MAD1L1: variants seen among roughly 807,000 people sequenced by gnomAD.
MAD1L1 encodes the protein mitotic spindle assembly checkpoint protein MAD1.
MAD1L1 carries 95 observed loss-of-function variants against 96.9 expected under a neutral mutation model. That is an observed-to-expected ratio of 0.98 (90% CI 0.83 to 1.16). The LOEUF is 1.16. MAD1L1 is among the 50% of genes most tolerant of loss of function. The pLI, the probability that MAD1L1 is intolerant of heterozygous loss-of-function variation, is 0.00. For synonymous variants in MAD1L1, 473 were observed against 396.6 expected (o/e 1.19, Z -2.29); for missense variants, 1,007 against 954.4 (o/e 1.06, Z -0.73).
chr7:1,888,039 ATG>A (rs1301661492), intron 18 of MAD1L1, among the ~76,000 whole-genome samples: 5 of 127,014 alleles, frequency 3.9e-5, no homozygotes, highest in African/African-American at 9.1e-5. Flanking sequence ...GAGACTGAGC[ATG>A]TGTGTGTGAG....
chr7:1,914,706 C>G (rs34042877), intron 17 of MAD1L1, among the ~76,000 whole-genome samples: 1 of 152,234 alleles, frequency 6.6e-6, no homozygotes, highest in South Asian at 2.1e-4. Context: ...CTTGACCTCC[C>G]AGGCCCAAGC....
chr7:1,865,774 G>A (rs1583593899), intron 18 of MAD1L1, among the ~76,000 whole-genome samples: 2 of 152,252 alleles, frequency 1.3e-5, no homozygotes, highest in Non-Finnish European at 2.9e-5. Context: ...CCCAGAGAGC[G>A]GCTGCTACGG....
intron 14 of MAD1L1, among the ~76,000 whole-genome samples, chr7:1,999,577 G>A (rs1033163263): frequency 3.3e-5 from 5 of 152,138 alleles, no homozygotes; most frequent in East Asian, 1.9e-4. Context: ...AGGCCAGTGC[G>A]CCTCATGCCC....
intron 10 of MAD1L1, among the ~76,000 whole-genome samples, chr7:2,150,506 G>A (rs1224184757): frequency 6.6e-6 from 1 of 152,018 alleles, no homozygotes; most frequent in Non-Finnish European, 1.5e-5. Flanking sequence ...CGGTCTTCCA[G>A]CACCCAGCTC....
intron 14 of MAD1L1, among the ~76,000 whole-genome samples, chr7:1,985,426 C>T (rs1781094887): frequency 6.6e-6 from 1 of 151,644 alleles, no homozygotes. Context: ...CCACGGGATC[C>T]TGGCTCCATG....
At chr7:1,985,199 G>A (rs187650914) in intron 14 of MAD1L1, among the ~76,000 whole-genome samples, 1 of 152,238 alleles carries the variant, frequency 6.6e-6, no homozygotes, top group African/African-American at 2.4e-5. Context: ...GCCCCGGGCA[G>A]CATGGGTAGG....
intron 11 of MAD1L1, among the ~76,000 whole-genome samples, chr7:2,082,445 C>T (rs1785702038): frequency 6.6e-6 from 1 of 152,178 alleles, no homozygotes; most frequent in Non-Finnish European, 1.5e-5. Flanking sequence ...GGCCTGGGAG[C>T]TCAGCGGAGC....
intron 11 of MAD1L1, among the ~76,000 whole-genome samples, chr7:2,109,994 G>A (rs745564123): frequency 6.6e-6 from 1 of 151,734 alleles, no homozygotes; most frequent in Non-Finnish European, 1.5e-5. Context: ...ACAGTTGTGA[G>A]AGTGCAGACC....
chr7:2,226,729 C>A (rs573637147), intron 3 of MAD1L1, among the ~76,000 whole-genome samples: 1 of 152,260 alleles, frequency 6.6e-6, no homozygotes, highest in South Asian at 2.1e-4. Flanking sequence ...GTGGCTCACA[C>A]CTGTAATCCC....
intron 12 of MAD1L1, among the ~76,000 whole-genome samples, chr7:2,056,677 GA>G (rs1784401054): frequency 6.6e-6 from 1 of 152,180 alleles, no homozygotes; most frequent in East Asian, 1.9e-4. Flanking sequence ...CATTATCACA[GA>G]GGGGTGAAGG....
intron 10 of MAD1L1, among the ~76,000 whole-genome samples, chr7:2,184,927 A>G (rs886269844): frequency 6.6e-6 from 1 of 152,194 alleles, no homozygotes; most frequent in African/African-American, 2.4e-5. Flanking sequence ...ACTCGAACCC[A>G]GGAGGCGGAG....
At chr7:2,160,395 C>T (rs1291001016) in intron 10 of MAD1L1, among the ~76,000 whole-genome samples, 3 of 135,522 alleles carry the variant, frequency 2.2e-5, no homozygotes, top group African/African-American at 2.8e-5. Flanking sequence ...TGCAGTGGCG[C>T]AATCTTGGCT....
At chr7:1,987,611 G>A (rs1781214004) in intron 14 of MAD1L1, among the ~76,000 whole-genome samples, 1 of 152,214 alleles carries the variant, frequency 6.6e-6, no homozygotes, top group Admixed American at 6.5e-5. Context: ...ATGCGAGGAT[G>A]GTCCCGGGGT....
chr7:1,973,649 C>T (rs1032531479), intron 15 of MAD1L1, among the ~76,000 whole-genome samples: 3 of 152,188 alleles, frequency 2.0e-5, no homozygotes, highest in Non-Finnish European at 2.9e-5. Flanking sequence ...GCCACCACCA[C>T]GGACAGGAGG....
At chr7:1,947,582 C>T (rs889555505) in intron 16 of MAD1L1, among the ~76,000 whole-genome samples, 2 of 125,022 alleles carry the variant, frequency 1.6e-5, no homozygotes, top group African/African-American at 3.0e-5. Flanking sequence ...ATCTCCTGCC[C>T]GTGGCCTTGC....
intron 17 of MAD1L1, among the ~76,000 whole-genome samples, chr7:1,912,494 G>C (rs1233046055): frequency 6.6e-6 from 1 of 152,192 alleles, no homozygotes; most frequent in Non-Finnish European, 1.5e-5. Flanking sequence ...GCCCACAGAG[G>C]GCAAGGGGTG....
At chr7:1,942,800 A>C (rs1779061911) in intron 16 of MAD1L1, among the ~76,000 whole-genome samples, 1 of 152,172 alleles carries the variant, frequency 6.6e-6, no homozygotes, top group Non-Finnish European at 1.5e-5. Flanking sequence ...ACTCACACGG[A>C]ACTGCAGGGG....
chr7:2,049,583 G>A (rs1181787488), intron 12 of MAD1L1, among the ~76,000 whole-genome samples: 1 of 152,236 alleles, frequency 6.6e-6, no homozygotes, highest in African/African-American at 2.4e-5. Flanking sequence ...TCCTGCAGAA[G>A]CAAGATCTGT....
At chr7:2,174,791 T>A (rs1790869815) in intron 10 of MAD1L1, among the ~76,000 whole-genome samples, 1 of 152,244 alleles carries the variant, frequency 6.6e-6, no homozygotes, top group South Asian at 2.1e-4. Context: ...AGGATGCTTA[T>A]GAGAGGTTTC....
Sources: allele counts gnomAD v4.1 joint callset (sites outside exome capture counted in the v4.1 genomes callset), GRCh38; gene constraint gnomAD v4.1.1; transcripts MANE v1.5; gene names NCBI Gene and HGNC (gene_info 2026-07-23, HGNC 2026-07-21).